FAM78B: variants seen among roughly 807,000 people sequenced by gnomAD.
FAM78B encodes the protein protein FAM78B.
In FAM78B, 10 loss-of-function variants were observed where a neutral mutation model predicts 20.0. That is an observed-to-expected ratio of 0.50 (90% CI 0.31 to 0.85). FAM78B has a LOEUF of 0.85. Ranked by LOEUF, FAM78B falls within the 40% of genes least tolerant of loss-of-function variation. FAM78B has a pLI of 0.05. For missense variants in FAM78B, 283 were observed against 345.0 expected, an observed-to-expected ratio of 0.82 and a Z score of 1.42; for synonymous variants, 135 against 132.8, an observed-to-expected ratio of 1.02 and a Z score of -0.12.
At chr1:166,121,640 C>CCTCTAATAATTA (rs1292591689) in intron 1 of FAM78B, among the ~76,000 whole-genome samples, 1 of 152,122 alleles carries the variant, frequency 6.6e-6, no homozygotes, top group East Asian at 1.9e-4. Flanking sequence ...ACCAATAATG[C>CCTCTAATAATTA]CTCTAATAAT....
At chr1:166,135,625 T>A (rs113462112) in intron 1 of FAM78B, among the ~76,000 whole-genome samples, 134 of 152,300 alleles carry the variant, frequency 8.8e-4, no homozygotes, top group African/African-American at 3.2e-3. Flanking sequence ...AGGACATAGA[T>A]AGATAGCACT....
At chr1:166,145,905 TA>T (rs1655435509) in intron 1 of FAM78B, among the ~76,000 whole-genome samples, 1 of 152,206 alleles carries the variant, frequency 6.6e-6, no homozygotes, top group Non-Finnish European at 1.5e-5. Flanking sequence ...ATAAATATAT[TA>T]AGGGGTAAGT....
chr1:166,099,347 A>T (rs1653410558), intron 1 of FAM78B, among the ~76,000 whole-genome samples: 1 of 152,186 alleles, frequency 6.6e-6, no homozygotes, highest in African/African-American at 2.4e-5. Context: ...GTTAAAAAGC[A>T]AAAACAAACA....
intron 1 of FAM78B, among the ~76,000 whole-genome samples, chr1:166,084,073 T>C (rs1652694029): frequency 6.6e-6 from 1 of 151,706 alleles, no homozygotes. Flanking sequence ...GACACTGAAG[T>C]AGAGAAATGA....
chr1:166,103,659 G>C (rs1653632641), intron 1 of FAM78B, among the ~76,000 whole-genome samples: 1 of 152,138 alleles, frequency 6.6e-6, no homozygotes, highest in African/African-American at 2.4e-5. Flanking sequence ...CCAGGACGAA[G>C]TTGAATCTCT....
intron 1 of FAM78B, among the ~76,000 whole-genome samples, chr1:166,126,359 G>A (rs1654639099): frequency 1.3e-5 from 2 of 152,138 alleles, no homozygotes; most frequent in South Asian, 4.1e-4. Context: ...CTTGTATATG[G>A]ACAAGCAATA....
intron 1 of FAM78B, among the ~76,000 whole-genome samples, chr1:166,147,240 C>CTAGGGGTTGTTG (rs1188259700): frequency 2.0e-5 from 3 of 152,140 alleles, no homozygotes; most frequent in Admixed American, 6.5e-5. Context: ...CAGAAAAGTC[C>CTAGGGGTTGTTG]TAGGGGTTGT....
chr1:166,099,860 C>T (rs113267269), intron 1 of FAM78B, among the ~76,000 whole-genome samples: 2,540 of 152,196 alleles, frequency 0.017, 77 homozygotes, highest in African/African-American at 0.058. Context: ...CAGCACTAGA[C>T]AGGTCATTAA....
chr1:166,126,142 T>C (rs759625013), intron 1 of FAM78B, among the ~76,000 whole-genome samples: 9 of 152,152 alleles, frequency 5.9e-5, no homozygotes, highest in Non-Finnish European at 1.0e-4. Flanking sequence ...CCTATTACTT[T>C]CAATTTTTTT....
chr1:166,066,026 A>G (rs1423271272), downstream of FAM78B, among the ~76,000 whole-genome samples: 1 of 152,198 alleles, frequency 6.6e-6, no homozygotes, highest in East Asian at 1.9e-4. Context: ...AAGCACGTTC[A>G]ATGTGCTAAC....
Position 166,070,645 on chromosome 1 carries a change from TG to T in FAM78B, c.381del (p.Thr128ProfsTer11). On this transcript the variant is annotated frameshift_variant, in exon 2 of 2. Coordinates refer to ENST00000354422, the MANE Select transcript of FAM78B (RefSeq NM_001017961.5). LOFTEE classifies it high-confidence loss of function. ...ACGGAGAACCTGGAGATCTTGTTGG[TG>T]GGGCCAACCAGGGTCACAGTTTCTG... Reference protein sequence around the residue: ...NTTETVTLVGPTNKISRFSVS... With the variant: ...NTTETVTLVGXTNKISRFSVS... The T allele has an allele frequency of 6.2e-7, 1 of 1,613,774 alleles. No individual in the cohort carries two copies. Among genetic ancestry groups the T allele is most frequent in the Non-Finnish European group, 8.5e-7 (1 of 1,179,994 alleles).
At chr1:166,148,546 C>T (rs79621481) in intron 1 of FAM78B, among the ~76,000 whole-genome samples, 2,102 of 152,310 alleles carry the variant, frequency 0.014, 48 homozygotes, top group African/African-American at 0.048. Flanking sequence ...GTGTAAACGC[C>T]TAGCACCTCA....
At chr1:166,165,277 G>A (rs1488430905) in intron 1 of FAM78B, among the ~76,000 whole-genome samples, 1 of 152,194 alleles carries the variant, frequency 6.6e-6, no homozygotes, top group African/African-American at 2.4e-5. Context: ...GAAACACCCC[G>A]CGCCGCGCCA....
chr1:166,165,281 C>A (rs941559415), intron 1 of FAM78B, among the ~76,000 whole-genome samples: 1 of 152,222 alleles, frequency 6.6e-6, no homozygotes, highest in Non-Finnish European at 1.5e-5. Context: ...CACCCCGCGC[C>A]GCGCCAGCCG....
At chr1:166,157,763 G>A (rs1655966172) in intron 1 of FAM78B, among the ~76,000 whole-genome samples, 2 of 152,154 alleles carry the variant, frequency 1.3e-5, no homozygotes, top group Admixed American at 1.3e-4. Flanking sequence ...GGTAGTCTGG[G>A]TGACTGTCTG....
At chr1:166,120,555 GAGA>G (rs1654427307) in intron 1 of FAM78B, among the ~76,000 whole-genome samples, 1 of 152,236 alleles carries the variant, frequency 6.6e-6, no homozygotes. Context: ...AGTGAAATGA[GAGA>G]AGAACAAACC....
In FAM78B at chr1:166,109,850, ATATATATATATGTATG is replaced by A. The variant is rs1311478690; in HGVS notation, c.264-39103_264-39088del. Among the ~76,000 whole-genome samples the A allele has an allele frequency of 6.7e-3, 128 of 19,046 alleles. 22 individuals carry two copies. The highest frequency in any genetic ancestry group is 0.013 in the East Asian group (5 of 386). 12.5% of individuals were successfully genotyped at this position (19,046 alleles called of 152,430 possible). The stretch of plus-strand genomic sequence containing the variant: ...TATATATGTATATATGTATATATAT[ATATATATATATGTATG>A]TGTATATATATATATGTATATATGT... On this transcript the variant is annotated intron_variant, in intron 1 of 1. Coordinates refer to ENST00000354422, the MANE Select transcript of FAM78B (RefSeq NM_001017961.5).
rs928545304 is a variant in FAM78B, at chr1:166,060,685, T to C, written c.*410-22A>G. The C allele has an allele frequency of 2.3e-6, 3 of 1,277,026 alleles. No homozygotes were observed. The African/African-American group carries it at 4.6e-5, about 19-fold the overall frequency. 79.1% of individuals were successfully genotyped at this position (1,277,026 alleles called of 1,614,324 possible). ...AGACCTGTATGTGGACATGGAAACA[T>C]GTAAATAAAGCGGGCATTAAGACAG... On this transcript the variant is annotated intron_variant and NMD_transcript_variant, in intron 2 of 2. Transcript: ENST00000435676.
At chr1:166,155,802 T>C (rs564693846) in intron 1 of FAM78B, among the ~76,000 whole-genome samples, 3 of 151,912 alleles carry the variant, frequency 2.0e-5, no homozygotes, top group African/African-American at 4.8e-5. Flanking sequence ...GGAGAGGGAA[T>C]AGAAGGTAAG....
Sources: allele counts gnomAD v4.1 joint callset (sites outside exome capture counted in the v4.1 genomes callset), GRCh38; gene constraint gnomAD v4.1.1; transcripts MANE v1.5; gene names NCBI Gene and HGNC (gene_info 2026-07-23, HGNC 2026-07-21).